MAN2A1: variants seen among roughly 807,000 people sequenced by gnomAD.
The protein encoded by MAN2A1 is alpha-mannosidase 2.
In MAN2A1, 76 loss-of-function variants were observed where a neutral mutation model predicts 142.6. The ratio of observed to expected loss-of-function variants is 0.53; its 90% confidence interval spans 0.44 to 0.65. MAN2A1 has a LOEUF of 0.65. MAN2A1 is among the 30% of genes least tolerant of loss of function. The probability of loss-of-function intolerance (pLI) is 0.00; values close to 1 mark genes in which losing one functional copy is unlikely to be tolerated. For synonymous variants in MAN2A1, 559 were observed against 473.2 expected (o/e 1.18, Z -2.35); for missense variants, 1,311 against 1,365.1 (o/e 0.96, Z 0.62).
chr5:109,738,855 T>G (rs1306242333), intron 4 of MAN2A1, among the ~76,000 whole-genome samples: 1 of 152,062 alleles, frequency 6.6e-6, no homozygotes, highest in Non-Finnish European at 1.5e-5. Flanking sequence ...TAGTTTTTGT[T>G]TTTTTTTGAA....
chr5:109,819,678 C>A lies in MAN2A1; in HGVS notation c.2119C>A (p.Arg707=), dbSNP rs767006458. The A allele has an allele frequency of 6.4e-7, 1 of 1,567,572 alleles. No homozygotes were observed. The highest frequency in any genetic ancestry group is 8.6e-7 in the Non-Finnish European group (1 of 1,159,100). ...ISETAYEISF[R]AHIPPLGLKV... ...TCCCTATCTTTTAAAGATCTCTTTTCGAGCACATATACCGCCATTGGGACT... is the reference window on the plus strand; with the variant it reads ...TCCCTATCTTTTAAAGATCTCTTTTAGAGCACATATACCGCCATTGGGACT... The change falls in exon 14 of 22, where the codon CGA becomes AGA. Residue 707 remains arginine (R), a synonymous_variant. Transcript: ENST00000261483.
chr5:109,721,433 ATAGTTTGTGTGTGTGTGTTTG>A (rs1489587203), intron 3 of MAN2A1, among the ~76,000 whole-genome samples: 27 of 152,214 alleles, frequency 1.8e-4, no homozygotes, highest in African/African-American at 5.1e-4. Context: ...ATAACAATGA[ATAGTTTGTGTGTGTGTGTTTG>A]TAGTTTGTGT....
intron 4 of MAN2A1, 61 bp downstream of exon 4, chr5:109,729,574 A>G (rs1183774672): frequency 1.2e-6 from 1 of 858,630 alleles, no homozygotes; most frequent in Non-Finnish European, 1.7e-6. Context: ...CAATGAACTA[A>G]GTATTGAATT....
At chr5:109,854,684 A>G (rs914048129) in intron 19 of MAN2A1, 5 of 152,616 alleles carry the variant, frequency 3.3e-5, no homozygotes, top group African/African-American at 9.6e-5. Flanking sequence ...TTGAATCAGT[A>G]TATGCCTTTA....
intron 3 of MAN2A1, among the ~76,000 whole-genome samples, chr5:109,727,140 G>A (rs756490521): frequency 6.6e-6 from 1 of 152,120 alleles, no homozygotes; most frequent in Non-Finnish European, 1.5e-5. Context: ...TGGTAATGAC[G>A]CTGATTTGTT....
At chr5:109,714,147 A>C (rs1482571797) in intron 2 of MAN2A1, among the ~76,000 whole-genome samples, 5 of 150,030 alleles carry the variant, frequency 3.3e-5, no homozygotes, top group Non-Finnish European at 7.4e-5. Context: ...TCAGTTGTAC[A>C]TTATAGATTT....
In MAN2A1 at chr5:109,694,551, T is replaced by C. The variant is rs150842753; in HGVS notation, c.135+3999T>C. On this transcript the variant is annotated intron_variant, in intron 1 of 21. Coordinates refer to ENST00000261483, the MANE Select transcript of MAN2A1 (RefSeq NM_002372.4). ...ATTTTGTGGAGACGGGGTCTTACTA[T>C]GTTGACCAACTGGTTTCAAATTCTT... is the stretch of plus-strand genomic sequence containing the variant. 2.5e-3 allele frequency among the ~76,000 whole-genome samples: 383 copies of C among 152,290 alleles called. 1 individual carries two copies. The East Asian group carries it at 0.026, about 10-fold the overall frequency.
At chr5:109,746,343 G>A (rs1471081272) in intron 4 of MAN2A1, among the ~76,000 whole-genome samples, 2 of 152,054 alleles carry the variant, frequency 1.3e-5, no homozygotes, top group Admixed American at 6.6e-5. Context: ...AAAAAATTTA[G>A]TTTAATTTAC....
intron 3 of MAN2A1, among the ~76,000 whole-genome samples, chr5:109,719,193 A>G (rs533842607): frequency 5.3e-5 from 8 of 152,176 alleles, no homozygotes; most frequent in East Asian, 1.9e-4. Context: ...CCTAGTAACT[A>G]TAGCTGAATC....
chr5:109,786,233 A>G (rs921249283), intron 10 of MAN2A1, among the ~76,000 whole-genome samples: 7 of 152,046 alleles, frequency 4.6e-5, no homozygotes, highest in African/African-American at 1.7e-4. Flanking sequence ...TTTTGAAAGT[A>G]AGGTCAGATC....
intron 16 of MAN2A1, among the ~76,000 whole-genome samples, chr5:109,825,826 C>T (rs1754740788): frequency 6.6e-6 from 1 of 151,594 alleles, no homozygotes; most frequent in Non-Finnish European, 1.5e-5. Flanking sequence ...CAATGTAGCC[C>T]ATTTCTATTT....
chr5:109,845,871 C>A lies in MAN2A1; in HGVS notation c.2707C>A (p.Pro903Thr), dbSNP rs1223669404. Reference sequence around the variant, plus strand: ...GAATTGTTGTGTTTTATAGATTCAACCTAGAATGACACTGAGCAAATTGCC... The same window carrying A: ...GAATTGTTGTGTTTTATAGATTCAAACTAGAATGACACTGAGCAAATTGCC... ...YTDLNGYQIQ[P>T]RMTLSKLPLQ... Residue 903 changes from proline to threonine, a missense_variant, in exon 18 of 22, where the codon CCT (proline) becomes ACT (threonine). Coordinates refer to ENST00000261483, the MANE Select transcript of MAN2A1 (RefSeq NM_002372.4). The A allele has an allele frequency of 6.2e-7, 1 of 1,612,012 alleles. No homozygotes were observed. The highest frequency in any genetic ancestry group is 1.6e-4 in the Middle Eastern group (1 of 6,078).
At chr5:109,838,893 C>G (rs1441202138) in intron 16 of MAN2A1, among the ~76,000 whole-genome samples, 1 of 152,104 alleles carries the variant, frequency 6.6e-6, no homozygotes, top group East Asian at 1.9e-4. Context: ...AACAGAAATA[C>G]TTTATTATTG....
intron 16 of MAN2A1, among the ~76,000 whole-genome samples, chr5:109,827,629 A>G (rs2112736614): frequency 6.6e-6 from 1 of 152,342 alleles, no homozygotes; most frequent in East Asian, 1.9e-4. Context: ...GAAAATGATC[A>G]GAAGTGCAGT....
intron 15 of MAN2A1, among the ~76,000 whole-genome samples, chr5:109,823,400 G>A (rs1384979545): frequency 6.6e-6 from 1 of 152,144 alleles, no homozygotes; most frequent in Non-Finnish European, 1.5e-5. Context: ...TGTAACTTCT[G>A]TAGAATGATT....
At position 109,838,797 on chromosome 5, in the gene MAN2A1, T is replaced by TA. The variant is rs1180808013; in HGVS notation, c.2567-3528dup. ...TATCTTGCTGAATTGTGAATGGACA[T>TA]AAAGGCTCCTTTTAAAGAGCTTTAA... is the stretch of plus-strand genomic sequence containing the variant. On this transcript the variant is annotated intron_variant, in intron 16 of 21. Coordinates refer to ENST00000261483, the MANE Select transcript of MAN2A1 (RefSeq NM_002372.4). Among the ~76,000 whole-genome samples, 5 of 152,332 alleles carry TA rather than the reference T, an allele frequency of 3.3e-5. No individual in the cohort carries two copies. The South Asian group carries it at 8.3e-4, about 25-fold the overall frequency.
At chr5:109,714,713 C>G (rs749838388) in intron 2 of MAN2A1, among the ~76,000 whole-genome samples, 1 of 152,170 alleles carries the variant, frequency 6.6e-6, no homozygotes, top group African/African-American at 2.4e-5. Context: ...CTTCTGGCCT[C>G]GTTTTCGAAT....
At chr5:109,811,343 TG>T (rs1754311312) in intron 12 of MAN2A1, among the ~76,000 whole-genome samples, 1 of 152,066 alleles carries the variant, frequency 6.6e-6, no homozygotes, top group Admixed American at 6.6e-5. Flanking sequence ...TGAAATTCAG[TG>T]GGATTTTGGT....
At chr5:109,826,656 G>C in intron 16 of MAN2A1, among the ~76,000 whole-genome samples, 1 of 152,178 alleles carries the variant, frequency 6.6e-6, no homozygotes, top group East Asian at 1.9e-4. Flanking sequence ...CACTCGGGTT[G>C]TCTCAATCCT....
Sources: gnomAD v4.1 joint callset for allele counts (sites outside exome capture counted in the v4.1 genomes callset) on GRCh38, gnomAD v4.1.1 for gene constraint, MANE v1.5 for transcripts, NCBI Gene and HGNC (gene_info 2026-07-23, HGNC 2026-07-21) for gene names.